Variants in GSDMA observed in about 807,000 individuals in gnomAD.
GSDMA encodes the protein gasdermin A, also known as gasdermin-A.
A neutral mutation model predicts 54.3 loss-of-function variants in GSDMA; 55 were observed. The ratio of observed to expected loss-of-function variants is 1.01; its 90% confidence interval spans 0.82 to 1.27. The LOEUF (loss-of-function observed/expected upper bound fraction) is 1.27, where lower values mean the gene tolerates loss of function less well. Among genes scored for constraint, GSDMA ranks in the 50% most tolerant of loss-of-function variants. GSDMA has a pLI of 0.00. For missense variants in GSDMA, 542 were observed against 542.6 expected (o/e 1.00, Z 0.01); for synonymous variants, 211 against 224.7 (o/e 0.94, Z 0.54).
At chr17:39,966,179 G>A in intron 2 of GSDMA, 81 bp from the exon 3 acceptor site, 1 of 1,445,892 alleles carries the variant, frequency 6.9e-7, no homozygotes, top group Non-Finnish European at 9.6e-7. Flanking sequence ...CTTCCACCTT[G>A]GCCTCCCAAA....
intron 3 of GSDMA, among the ~76,000 whole-genome samples, chr17:39,968,339 CTTTTTTTT>C (rs60315845): frequency 7.3e-5 from 3 of 41,364 alleles, no homozygotes; most frequent in Admixed American, 3.3e-4. Flanking sequence ...TGAGCCCGGT[CTTTTTTTT>C]TTTTTTTTTT....
chr17:39,965,480 T>G, intron 1 of GSDMA: 1 of 570,868 alleles, frequency 1.8e-6, no homozygotes, highest in Non-Finnish European at 3.1e-6. Context: ...CTCTTTCAAC[T>G]CTCCAGCCCT....
In GSDMA at chr17:39,972,567, T is replaced by C; in HGVS notation, c.704-20T>C. On this transcript the variant is annotated intron_variant, in intron 6 of 11. Transcript: ENST00000301659. ...AAAATGGGTTTTGTGCTGACAGATG[T>C]GCATTTTTTCTGTCTTCAGAAAAGT... The C allele has an allele frequency of 6.2e-7, 1 of 1,612,028 alleles. No homozygotes were observed. Among genetic ancestry groups the C allele is most frequent in the Non-Finnish European group, 8.5e-7 (1 of 1,178,818 alleles).
intron 3 of GSDMA, among the ~76,000 whole-genome samples, chr17:39,968,201 G>A (rs1007616034): frequency 3.3e-5 from 5 of 151,780 alleles, no homozygotes; most frequent in Middle Eastern, 3.4e-3. Flanking sequence ...CACCACACCC[G>A]GCTAATTTTT....
chr17:39,975,998 G>A lies in GSDMA; in HGVS notation c.1095+1G>A, dbSNP rs202073078. The A allele has an allele frequency of 9.5e-6, 15 of 1,585,658 alleles. No homozygotes were observed. In the East Asian group the frequency reaches 3.0e-4, roughly 31 times the overall value. On this transcript the variant is annotated splice_donor_variant, in intron 11 of 11. Coordinates refer to ENST00000301659, the MANE Select transcript of GSDMA (RefSeq NM_178171.5). LOFTEE classifies it high-confidence loss of function. ...GATCCTACCCGTGCAGCTAAAGCTGGTGAGGGAAAAACAGCAGATGCTGGG... is the reference window on the plus strand; with the variant it reads ...GATCCTACCCGTGCAGCTAAAGCTGATGAGGGAAAAACAGCAGATGCTGGG...
intron 7 of GSDMA, 24 bp from the exon 8 acceptor site, chr17:39,973,785 CT>C (rs147608267): frequency 5.5e-4 from 792 of 1,446,960 alleles, no homozygotes; most frequent in Admixed American, 8.4e-4. Context: ...GCATTCTTAT[CT>C]TTTTTTTTTC....
Position 39,977,242 on chromosome 17 carries a change from A to T in GSDMA, c.*184A>T. 2 of 633,522 alleles carry T rather than the reference A, an allele frequency of 3.2e-6. No individual in the cohort carries two copies. The highest frequency in any genetic ancestry group is 6.0e-5 in the Admixed American group (2 of 33,438). 39.2% of individuals were successfully genotyped at this position (633,522 alleles called of 1,614,324 possible). On this transcript the variant is annotated 3_prime_UTR_variant, in exon 12 of 12. Coordinates refer to ENST00000301659, the MANE Select transcript of GSDMA (RefSeq NM_178171.5). The stretch of plus-strand genomic sequence containing the variant: ...TCACCCCCTACCCCTCCAGCTCCGC[A>T]ACCCACTAAGCCCATCTGCTGATGC...
intron 3 of GSDMA, among the ~76,000 whole-genome samples, chr17:39,968,492 C>T (rs969706659): frequency 6.6e-6 from 1 of 151,614 alleles, no homozygotes; most frequent in African/African-American, 2.4e-5. Flanking sequence ...GGATTGCAGG[C>T]GCACGCCACT....
At chr17:39,969,344 TAA>T (rs5820313) in intron 3 of GSDMA, among the ~76,000 whole-genome samples, 7 of 135,232 alleles carry the variant, frequency 5.2e-5, no homozygotes, top group Admixed American at 7.4e-5. Flanking sequence ...AGTGGGACCT[TAA>T]AAAAAAAAAA....
chr17:39,970,888 G>T (rs1979910001), intron 4 of GSDMA, among the ~76,000 whole-genome samples: 1 of 152,200 alleles, frequency 6.6e-6, no homozygotes, highest in African/African-American at 2.4e-5. Context: ...ATGCCACAGG[G>T]AACTACTGGG....
At chr17:39,970,451 G>C in intron 3 of GSDMA, 31 bp from the exon 4 acceptor site, 1 of 1,536,670 alleles carries the variant, frequency 6.5e-7, no homozygotes, top group Admixed American at 1.9e-5. Flanking sequence ...AAGGAGCTCT[G>C]AACGGTTCCC....
At chr17:39,976,611 C>T (rs1186529576) in intron 11 of GSDMA, among the ~76,000 whole-genome samples, 1 of 152,134 alleles carries the variant, frequency 6.6e-6, no homozygotes, top group Non-Finnish European at 1.5e-5. Context: ...CTGAGTCTGT[C>T]TCAATTTATT....
At chr17:39,966,622 C>T (rs916704877) in intron 3 of GSDMA, among the ~76,000 whole-genome samples, 185 bp downstream of exon 3, 10 of 152,190 alleles carry the variant, frequency 6.6e-5, no homozygotes, top group African/African-American at 2.2e-4. Context: ...TTCCTAGTCA[C>T]ACCTCCCGCT....
Position 39,977,093 on chromosome 17 carries a change from G to A in GSDMA, c.*35G>A, listed in dbSNP as rs143373737. ...TACGTCTGCTTCATGACTCCCTAAT[G>A]CCTTCCCAACCTCGTGGTGCTGTGT... On this transcript the variant is annotated 3_prime_UTR_variant, in exon 12 of 12. Coordinates refer to ENST00000301659, the MANE Select transcript of GSDMA (RefSeq NM_178171.5). 8 of 1,610,160 alleles carry A rather than the reference G, an allele frequency of 5.0e-6. No homozygotes were observed. The African/African-American group carries it at 8.0e-5, about 16-fold the overall frequency.
intron 8 of GSDMA, 33 bp downstream of exon 8, chr17:39,973,863 T>C (rs1428573352): frequency 1.2e-6 from 2 of 1,602,220 alleles, no homozygotes; most frequent in South Asian, 1.1e-5. Flanking sequence ...CCCAAGACTT[T>C]GGCATGGAGG....
chr17:39,970,391 C>CCTGGG (rs1159273841), intron 3 of GSDMA, 91 bp from the exon 4 acceptor site: 11 of 1,244,332 alleles, frequency 8.8e-6, no homozygotes, highest in Non-Finnish European at 1.1e-5. Flanking sequence ...ACCACAATGT[C>CCTGGG]TAGTTCCTGG....
At chr17:39,966,586 C>T in intron 3 of GSDMA, 149 bp downstream of exon 3, 1 of 681,412 alleles carries the variant, frequency 1.5e-6, no homozygotes, top group Non-Finnish European at 2.3e-6. Flanking sequence ...GGCAACCCTT[C>T]TGGCCCATGG....
At chr17:39,972,255 C>T in intron 6 of GSDMA, 79 bp downstream of exon 6, 1 of 947,704 alleles carries the variant, frequency 1.1e-6, no homozygotes, top group Non-Finnish European at 1.7e-6. Context: ...CCACCCTCTC[C>T]TAGCTTATAC....
chr17:39,975,826 C>A, intron 10 of GSDMA, 98 bp from the exon 11 acceptor site: 1 of 874,082 alleles, frequency 1.1e-6, no homozygotes, highest in Non-Finnish European at 1.8e-6. Context: ...GTAATTACAT[C>A]CAATGAATGA....
Sources: gnomAD v4.1 joint callset for allele counts (sites outside exome capture counted in the v4.1 genomes callset) on GRCh38, gnomAD v4.1.1 for gene constraint, MANE v1.5 for transcripts, NCBI Gene and HGNC (gene_info 2026-07-23, HGNC 2026-07-21) for gene names.